Variants in SF3B3 observed in about 807,000 individuals in gnomAD.
The protein encoded by SF3B3 is SAP 130.
Under a neutral mutation model 139.2 loss-of-function variants are expected in SF3B3, and 33 were observed. The ratio of observed to expected loss-of-function variants is 0.24; its 90% CI spans 0.18 to 0.32. SF3B3 has a LOEUF of 0.32. Ranked by LOEUF, SF3B3 falls within the 10% of genes least tolerant of loss-of-function variation. SF3B3 has a pLI of 1.00. For missense variants in SF3B3, 818 were observed against 1,509.4 expected (o/e 0.54, Z 7.59); for synonymous variants, 596 against 563.6 (o/e 1.06, Z -0.81).
At position 70,523,849 on chromosome 16, in the gene SF3B3, T is replaced by G. The variant is rs1321352937; in HGVS notation, c.-150T>G. On this transcript the variant is annotated 5_prime_UTR_variant, in exon 1 of 26. Coordinates refer to ENST00000302516, the MANE Select transcript of SF3B3 (RefSeq NM_012426.5). The stretch of plus-strand genomic sequence containing the variant: ...CTTGAGGTCTAATGGCGGACGCCAG[T>G]ATGTTGGAGTTGGTGGTGGCTTAAG... 3.8e-6 allele frequency: 2 copies of G among 519,502 alleles called. No individual in the cohort carries two copies. Among genetic ancestry groups the G allele is most frequent in the Middle Eastern group, 5.1e-4 (1 of 1,950 alleles). The allele number at this position is 519,502 out of a possible 1,614,324, so 32.2% of individuals were successfully genotyped here.
chr16:70,529,317 A>T, intron 3 of SF3B3, 118 bp downstream of exon 3: 2 of 772,710 alleles, frequency 2.6e-6, no homozygotes, highest in Admixed American at 2.9e-5. Flanking sequence ...GTTTGGATTT[A>T]CTCTAGGTTT....
At chr16:70,542,718 C>CA (rs2050231102) in intron 9 of SF3B3, among the ~76,000 whole-genome samples, 1 of 145,270 alleles carries the variant, frequency 6.9e-6, no homozygotes, top group East Asian at 2.0e-4. Flanking sequence ...CTTTTTTTTT[C>CA]TTTTTTTTTT....
At chr16:70,551,924 A>C (rs1031966812) in intron 11 of SF3B3, among the ~76,000 whole-genome samples, 1 of 152,186 alleles carries the variant, frequency 6.6e-6, no homozygotes, top group Non-Finnish European at 1.5e-5. Flanking sequence ...TAGAAGTTAC[A>C]ATGTGCTTGG....
At chr16:70,546,778 T>C (rs2050272499) in intron 10 of SF3B3, among the ~76,000 whole-genome samples, 1 of 152,182 alleles carries the variant, frequency 6.6e-6, no homozygotes, top group Non-Finnish European at 1.5e-5. Context: ...CTTTGTTATA[T>C]ATAAAAATAT....
At chr16:70,560,034 C>T (rs568708190) in intron 15 of SF3B3, among the ~76,000 whole-genome samples, 1 of 152,274 alleles carries the variant, frequency 6.6e-6, no homozygotes, top group Admixed American at 6.5e-5. Context: ...TGCCTTGTTG[C>T]ACAATAAAGT....
At chr16:70,560,880 T>C (rs2050421855) in intron 16 of SF3B3, among the ~76,000 whole-genome samples, 2 of 152,226 alleles carry the variant, frequency 1.3e-5, no homozygotes, top group African/African-American at 4.8e-5. Flanking sequence ...GCCATGAGAA[T>C]TCTCAGGTTT....
rs944762992 is a variant in SF3B3, at chr16:70,573,158, A to G, written c.*1345A>G. ...TCATGACTTGGTTTTAGATCAGTCA[A>G]GAGAGACCCAGGTTTTGCCAGGAAT... is the stretch of plus-strand genomic sequence containing the variant. On this transcript the variant is annotated 3_prime_UTR_variant, in exon 26 of 26. Transcript: ENST00000302516. 1.3e-5 allele frequency: 2 copies of G among 152,204 alleles called. No homozygotes were observed. Among genetic ancestry groups the G allele is most frequent in the African/African-American group, 4.8e-5 (2 of 41,446 alleles). The allele number at this position is 152,204 out of a possible 1,614,324, so 9.4% of individuals were successfully genotyped here. A position where few individuals can be genotyped will look rare whatever the true frequency, so the allele number is the denominator to read the frequency against.
chr16:70,530,040 C>T (rs955462164), intron 3 of SF3B3, among the ~76,000 whole-genome samples: 23 of 127,906 alleles, frequency 1.8e-4, no homozygotes, highest in Admixed American at 1.6e-3. Flanking sequence ...GCAGGAGAAT[C>T]GCTTGAACCC....
At chr16:70,550,142 T>C (rs2050308326) in intron 11 of SF3B3, 1 of 152,010 alleles carries the variant, frequency 6.6e-6, no homozygotes, top group African/African-American at 2.4e-5. Flanking sequence ...AGTTTAGTTT[T>C]TGAGTGCCCA....
In SF3B3 at chr16:70,569,988, T is replaced by C; in HGVS notation, c.3265-18T>C. 1 of 1,613,602 alleles carries C rather than the reference T, an allele frequency of 6.2e-7. No homozygotes were observed. The highest frequency in any genetic ancestry group is 8.5e-7 in the Non-Finnish European group (1 of 1,179,684). ...TCCTGAGGGTGCACACAGTCACTAGTCTGTTTGTGACTCACAGGCAGAGGT... is the reference window on the plus strand; with the variant it reads ...TCCTGAGGGTGCACACAGTCACTAGCCTGTTTGTGACTCACAGGCAGAGGT... On this transcript the variant is annotated intron_variant, in intron 23 of 25. Coordinates refer to ENST00000302516, the MANE Select transcript of SF3B3 (RefSeq NM_012426.5).
intron 10 of SF3B3, among the ~76,000 whole-genome samples, chr16:70,546,257 C>T (rs964903656): frequency 1.3e-5 from 2 of 152,222 alleles, no homozygotes; most frequent in Non-Finnish European, 2.9e-5. Flanking sequence ...AAGCGTGAGC[C>T]ACCGCGCCTG....
Position 70,556,315 on chromosome 16 carries a change from T to A in SF3B3, c.1847T>A (p.Ile616Asn). The A allele has an allele frequency of 2.5e-6, 4 of 1,614,164 alleles. No homozygotes were observed. Among genetic ancestry groups the A allele is most frequent in the Non-Finnish European group, 3.4e-6 (4 of 1,180,028 alleles). The change falls in exon 14 of 26, where the codon ATC becomes AAC. Residue 616 changes from isoleucine to asparagine, a missense_variant. This residue lies in a region of SF3B3 where 170 missense variants were observed against 353.0 expected (regional missense o/e 0.48). Transcript: ENST00000302516. ...GGGCTTGTGGACAACACTGTCAGAA[T>A]CATCTCCCTGGATCCCTCAGTGAGT... ...AVGLVDNTVR[I>N]ISLDPSDCLQ...
In SF3B3 at chr16:70,539,337, A is replaced by G. The variant is rs1212091982; in HGVS notation, c.1067+130A>G. 56 of 683,398 alleles carry G rather than the reference A, an allele frequency of 8.2e-5. No homozygotes were observed. The East Asian group carries it at 1.5e-3, about 18-fold the overall frequency. 42.3% of individuals were successfully genotyped at this position (683,398 alleles called of 1,614,324 possible). ...CTGAGGTGGGTGAATCACCTGAGGT[A>G]AGGAGTTGGAGACCAGCCTGGCCAA... On this transcript the variant is annotated intron_variant, in intron 8 of 25. Transcript: ENST00000302516.
At chr16:70,571,252 A>T in intron 25 of SF3B3, 53 bp downstream of exon 25, 1 of 1,318,938 alleles carries the variant, frequency 7.6e-7, no homozygotes, top group Non-Finnish European at 1.1e-6. Context: ...GGAGCAGCAC[A>T]GGGAGTGGAT....
intron 2 of SF3B3, 74 bp from the exon 3 acceptor site, chr16:70,528,799 G>T (rs376602182): frequency 1.8e-6 from 2 of 1,094,356 alleles, no homozygotes; most frequent in South Asian, 3.0e-5. Flanking sequence ...TGTATTTTTA[G>T]TAGAGACGGG....
At chr16:70,532,446 G>A (rs764101681) in intron 4 of SF3B3, 33 bp from the exon 5 acceptor site, 10 of 1,606,754 alleles carry the variant, frequency 6.2e-6, no homozygotes, top group Admixed American at 1.7e-5. Context: ...ATTTTATGCT[G>A]ATGATTAGTT....
chr16:70,531,192 C>T (rs1287995557), intron 4 of SF3B3, among the ~76,000 whole-genome samples: 4 of 151,758 alleles, frequency 2.6e-5, no homozygotes, highest in Admixed American at 2.0e-4. Context: ...GGCGTGAACC[C>T]GGGAGGTGGA....
At position 70,530,641 on chromosome 16, in the gene SF3B3, G is replaced by A. The variant is rs991652546; in HGVS notation, c.398-104G>A. ...TTTTTATACTTGTAGAGTTACTGCT[G>A]TTAATAATGATTAAAAGAAAAGCAT... On this transcript the variant is annotated intron_variant, in intron 3 of 25. Coordinates refer to ENST00000302516, the MANE Select transcript of SF3B3 (RefSeq NM_012426.5). The A allele has an allele frequency of 3.6e-5, 35 of 974,968 alleles. No individual in the cohort carries two copies. The South Asian group carries it at 5.1e-4, about 14-fold the overall frequency. 60.4% of individuals were successfully genotyped at this position (974,968 alleles called of 1,614,324 possible). A position where few individuals can be genotyped will look rare whatever the true frequency, so the allele number is the denominator to read the frequency against.
At chr16:70,539,306 G>C in intron 8 of SF3B3, 99 bp downstream of exon 8, 1 of 837,622 alleles carries the variant, frequency 1.2e-6, no homozygotes, top group Non-Finnish European at 2.1e-6. Context: ...CTAGCACTTT[G>C]GGAGGCTGAG....
Sources: allele counts gnomAD v4.1 joint callset (sites outside exome capture counted in the v4.1 genomes callset), GRCh38; gene constraint gnomAD v4.1.1; regional missense constraint gnomAD v4.1.1; transcripts MANE v1.5; gene names NCBI Gene and HGNC (gene_info 2026-07-23, HGNC 2026-07-21).